TMEM97: variants seen among roughly 807,000 people sequenced by gnomAD.
The protein encoded by TMEM97 is transmembrane protein 97.
In TMEM97, 13 loss-of-function variants were observed where a neutral mutation model predicts 18.3. That is an observed-to-expected ratio of 0.71 (90% CI 0.46 to 1.13). The LOEUF (loss-of-function observed/expected upper bound fraction) is 1.13. Among genes scored for constraint, TMEM97 ranks in the 50% most tolerant of loss-of-function variants. The pLI, the probability that TMEM97 is intolerant of heterozygous loss-of-function variation, is 0.00. For synonymous variants in TMEM97, 76 were observed against 85.3 expected (o/e 0.89, Z 0.60); for missense variants, 205 against 210.5 (o/e 0.97, Z 0.16).
In TMEM97 at chr17:28,319,934, T is replaced by A. The variant is rs9908140; in HGVS notation, c.126+569T>A. 9.6e-3 allele frequency among the ~76,000 whole-genome samples: 1,468 copies of A among 152,314 alleles called. 22 individuals are homozygous for A. The highest frequency in any genetic ancestry group is 0.032 in the African/African-American group (1,335 of 41,570). Reference sequence around the variant, plus strand: ...TCAGATTGGCTCTTCAATATTGGGTTCGAGTAACAATGATCTCCTGAGTAA... The same window carrying A: ...TCAGATTGGCTCTTCAATATTGGGTACGAGTAACAATGATCTCCTGAGTAA... On this transcript the variant is annotated intron_variant, in intron 1 of 2. Coordinates refer to ENST00000226230, the MANE Select transcript of TMEM97 (RefSeq NM_014573.3).
chr17:28,326,980 T>C lies in TMEM97; in HGVS notation c.*187T>C, dbSNP rs1177554648. 4.6e-6 allele frequency: 3 copies of C among 657,434 alleles called. No individual in the cohort carries two copies. Among genetic ancestry groups the C allele is most frequent in the East Asian group, 3.1e-5 (1 of 32,642 alleles). 40.7% of individuals were successfully genotyped at this position (657,434 alleles called of 1,614,324 possible). Reference sequence around the variant, plus strand: ...CCTTCTTCCATTTTTTTTTTTTTTTTAAGACAGTCTCACTCTGTTGCCCAG... The same window carrying C: ...CCTTCTTCCATTTTTTTTTTTTTTTCAAGACAGTCTCACTCTGTTGCCCAG... On this transcript the variant is annotated 3_prime_UTR_variant, in exon 3 of 3. Coordinates refer to ENST00000226230, the MANE Select transcript of TMEM97 (RefSeq NM_014573.3).
Position 28,319,278 on chromosome 17 carries a change from G to A in TMEM97, c.39G>A (p.Leu13=). 6.2e-7 allele frequency: 1 copy of A among 1,610,584 alleles called. No homozygotes were observed. Among genetic ancestry groups the A allele is most frequent in the Non-Finnish European group, 8.5e-7 (1 of 1,178,592 alleles). ...CAACCAGGCGCTGCGTGGAGTGGCT[G>A]CTGGGCCTCTACTTCCTCAGCCACA... ...APATRRCVEW[L]LGLYFLSHIP... is the part of the protein sequence containing the mutation. Residue 13 remains leucine, a synonymous_variant, in exon 1 of 3, where the codon CTG becomes CTA. Coordinates refer to ENST00000226230, the MANE Select transcript of TMEM97 (RefSeq NM_014573.3).
At position 28,327,675 on chromosome 17, in the gene TMEM97, T is replaced by TTA. The variant is rs1351685979; in HGVS notation, c.*883_*884insAT. ...GAGAAAACATACTATGCAAAGGAAGTTTAAACTTAAGTTTTCCTTAAGGGT... is the reference window on the plus strand; with the variant it reads ...GAGAAAACATACTATGCAAAGGAAGTTATTAAACTTAAGTTTTCCTTAAGGGT... On this transcript the variant is annotated 3_prime_UTR_variant, in exon 3 of 3. Coordinates refer to ENST00000226230, the MANE Select transcript of TMEM97 (RefSeq NM_014573.3). 6.6e-6 allele frequency: 1 copy of TTA among 152,250 alleles called. No individual in the cohort carries two copies. Among genetic ancestry groups the TTA allele is most frequent in the Non-Finnish European group, 1.5e-5 (1 of 68,042 alleles). 9.4% of individuals were successfully genotyped at this position (152,250 alleles called of 1,614,324 possible). A position where few individuals can be genotyped will look rare whatever the true frequency, so the allele number is the denominator to read the frequency against.
Position 28,328,258 on chromosome 17 carries a change from A to G in TMEM97, c.*1465A>G, listed in dbSNP as rs1555575838. The G allele has an allele frequency of 5.4e-6, 1 of 185,888 alleles. No homozygotes were observed. Among genetic ancestry groups the G allele is most frequent in the African/African-American group, 2.4e-5 (1 of 41,734 alleles). 11.5% of individuals were successfully genotyped at this position (185,888 alleles called of 1,614,324 possible). A position where few individuals can be genotyped will look rare whatever the true frequency, so the allele number is the denominator to read the frequency against. On this transcript the variant is annotated 3_prime_UTR_variant, in exon 3 of 3. Coordinates refer to ENST00000226230, the MANE Select transcript of TMEM97 (RefSeq NM_014573.3). ...GTTTGTTTTGTGGACTAGGGGATAG[A>G]GAATCCAGGGTTCTCTCATGAGGAG... is the stretch of plus-strand genomic sequence containing the variant.
rs782243438 is a variant in TMEM97 at position 28,325,456 on chromosome 17, G to T, written c.127-47G>T. On this transcript the variant is annotated intron_variant, in intron 1 of 2. Transcript: ENST00000226230. ...TTTCAAATGAGCTAGCGCCGAGCCT[G>T]TTGAGGGCAAGTGGCTGTAATTCAT... The T allele has an allele frequency of 1.9e-6, 3 of 1,605,736 alleles. No homozygotes were observed. In the South Asian group the frequency reaches 3.3e-5, roughly 18 times the overall value.
rs11554037 is a variant in TMEM97, at chr17:28,328,141, C to T, written c.*1348C>T. ...CCCAGTCAGTTCCCTCTATTTTCACCCATTTTGCTCACAAGCCATATTGGC... is the reference window on the plus strand; with the variant it reads ...CCCAGTCAGTTCCCTCTATTTTCACTCATTTTGCTCACAAGCCATATTGGC... On this transcript the variant is annotated 3_prime_UTR_variant, in exon 3 of 3. Coordinates refer to ENST00000226230, the MANE Select transcript of TMEM97 (RefSeq NM_014573.3). The T allele has an allele frequency of 2.1e-4, 32 of 154,088 alleles. 1 individual carries two copies. The highest frequency in any genetic ancestry group is 4.2e-4 in the Non-Finnish European group (29 of 69,182). The allele number at this position is 154,088 out of a possible 1,614,324, so 9.5% of individuals were successfully genotyped here.
Position 28,319,306 on chromosome 17 carries a change from C to A in TMEM97, c.67C>A (p.Pro23Thr). 6.2e-7 allele frequency: 1 copy of A among 1,611,386 alleles called. No individual in the cohort carries two copies. Among genetic ancestry groups the A allele is most frequent in the Non-Finnish European group, 8.5e-7 (1 of 1,178,834 alleles). Residue 23 changes from proline (P) to threonine (T), a missense_variant, in exon 1 of 3, where the codon CCC becomes ACC. Coordinates refer to ENST00000226230, the MANE Select transcript of TMEM97 (RefSeq NM_014573.3). ...LLGLYFLSHI[P>T]ITLFMDLQAV... ...GGGCCTCTACTTCCTCAGCCACATC[C>A]CCATCACCCTGTTCATGGACCTGCA...
In TMEM97 at chr17:28,319,266, C is replaced by T; in HGVS notation, c.27C>T (p.Cys9=). The T allele has an allele frequency of 6.2e-7, 1 of 1,610,362 alleles. No homozygotes were observed. The highest frequency in any genetic ancestry group is 8.5e-7 in the Non-Finnish European group (1 of 1,178,332). MGAPATRR[C]VEWLLGLYFL... ...TGGGGGCTCCGGCAACCAGGCGCTG[C>T]GTGGAGTGGCTGCTGGGCCTCTACT... Residue 9 remains cysteine, a synonymous_variant, in exon 1 of 3, where the codon TGC becomes TGT. Coordinates refer to ENST00000226230, the MANE Select transcript of TMEM97 (RefSeq NM_014573.3).
At chr17:28,321,409 TC>T (rs1906135584) in intron 1 of TMEM97, among the ~76,000 whole-genome samples, 1 of 152,184 alleles carries the variant, frequency 6.6e-6, no homozygotes, top group African/African-American at 2.4e-5. Context: ...ATCATAAAGA[TC>T]CCATTTAAAT....
chr17:28,326,470 G>T, intron 2 of TMEM97, 64 bp from the exon 3 acceptor site: 1 of 1,545,192 alleles, frequency 6.5e-7, no homozygotes, highest in East Asian at 2.3e-5. Context: ...ACAGTGGGAA[G>T]GTCATGGACA....
chr17:28,327,060 G>A lies in TMEM97; in HGVS notation c.*267G>A, dbSNP rs1906382602. On this transcript the variant is annotated 3_prime_UTR_variant, in exon 3 of 3. Coordinates refer to ENST00000226230, the MANE Select transcript of TMEM97 (RefSeq NM_014573.3). ...GGCTCACTGCAACCTCCGCCTCCTG[G>A]GCTCAAGCCATCTTCCTTAGCCTCC... 10 of 423,542 alleles carry A rather than the reference G, an allele frequency of 2.4e-5. No individual in the cohort carries two copies. The Admixed American group carries it at 3.7e-4, about 16-fold the overall frequency. 26.2% of individuals were successfully genotyped at this position (423,542 alleles called of 1,614,324 possible). A position where few individuals can be genotyped will look rare whatever the true frequency, so the allele number is the denominator to read the frequency against.
chr17:28,328,439 G>A lies in TMEM97; in HGVS notation c.*1646G>A, dbSNP rs564402815. On this transcript the variant is annotated 3_prime_UTR_variant, in exon 3 of 3. Transcript: ENST00000226230. ...CCAACTAAGCATAAGAGGTGAGAACGTACACTGCAGGGCCACCAGCAGCAG... is the reference window on the plus strand; with the variant it reads ...CCAACTAAGCATAAGAGGTGAGAACATACACTGCAGGGCCACCAGCAGCAG... 2.1e-5 allele frequency: 11 copies of A among 528,152 alleles called. No homozygotes were observed. Among genetic ancestry groups the A allele is most frequent in the Middle Eastern group, 4.9e-4 (1 of 2,050 alleles). 32.7% of individuals were successfully genotyped at this position (528,152 alleles called of 1,614,324 possible).
At position 28,327,505 on chromosome 17, in the gene TMEM97, C is replaced by G. The variant is rs1906410388; in HGVS notation, c.*712C>G. ...TATGCTTATGACTAAACCCTCCACTCCTGATTCTCAAGAGTGTATCACCTG... is the reference window on the plus strand; with the variant it reads ...TATGCTTATGACTAAACCCTCCACTGCTGATTCTCAAGAGTGTATCACCTG... On this transcript the variant is annotated 3_prime_UTR_variant, in exon 3 of 3. Coordinates refer to ENST00000226230, the MANE Select transcript of TMEM97 (RefSeq NM_014573.3). 6.6e-6 allele frequency: 1 copy of G among 152,224 alleles called. No individual in the cohort carries two copies. The highest frequency in any genetic ancestry group is 6.5e-5 in the Admixed American group (1 of 15,286). 9.4% of individuals were successfully genotyped at this position (152,224 alleles called of 1,614,324 possible).
chr17:28,321,623 A>G (rs1457797493), intron 1 of TMEM97, among the ~76,000 whole-genome samples: 1 of 151,986 alleles, frequency 6.6e-6, no homozygotes, highest in Non-Finnish European at 1.5e-5. Flanking sequence ...TGTAGAGATG[A>G]TGTCTTACTG....
At chr17:28,321,489 G>A (rs900834032) in intron 1 of TMEM97, among the ~76,000 whole-genome samples, 1 of 152,012 alleles carries the variant, frequency 6.6e-6, no homozygotes, top group South Asian at 2.1e-4. Flanking sequence ...CAGGCTTGGC[G>A]TGCTGTGATG....
intron 1 of TMEM97, chr17:28,319,603 C>G (rs781788731): frequency 4.6e-6 from 2 of 432,364 alleles, no homozygotes; most frequent in Non-Finnish European, 4.0e-6. Flanking sequence ...AAAGTCACTT[C>G]TTCCCTGGGT....
In TMEM97 at chr17:28,328,310, A is replaced by T; in HGVS notation, c.*1517A>T. On this transcript the variant is annotated 3_prime_UTR_variant, in exon 3 of 3. Transcript: ENST00000226230. ...TAAACATATTTCAAGAGCAACAGGA[A>T]AAAAGGTACATCAAGCCATTTGAAA... 1 of 239,540 alleles carries T rather than the reference A, an allele frequency of 4.2e-6. No homozygotes were observed. The highest frequency in any genetic ancestry group is 8.1e-6 in the Non-Finnish European group (1 of 123,940). 14.8% of individuals were successfully genotyped at this position (239,540 alleles called of 1,614,324 possible).
At chr17:28,323,543 C>T (rs1174221419) in intron 1 of TMEM97, among the ~76,000 whole-genome samples, 1 of 151,864 alleles carries the variant, frequency 6.6e-6, no homozygotes, top group African/African-American at 2.4e-5. Flanking sequence ...GGATTACAGG[C>T]GTGAGCCACC....
At chr17:28,322,589 G>A (rs1356272464) in intron 1 of TMEM97, among the ~76,000 whole-genome samples, 1 of 152,144 alleles carries the variant, frequency 6.6e-6, no homozygotes, top group African/African-American at 2.4e-5. Flanking sequence ...ATTTAGTTTG[G>A]ATAAGAACAT....
Sources: allele counts gnomAD v4.1 joint callset (sites outside exome capture counted in the v4.1 genomes callset), GRCh38; gene constraint gnomAD v4.1.1; transcripts MANE v1.5; gene names NCBI Gene and HGNC (gene_info 2026-07-23, HGNC 2026-07-21).